The following TSC22D1 variants were observed in gnomAD, a reference collection of about 807,000 sequenced individuals.
TSC22D1 encodes TSC22 domain family member 1, also known as TSC22 domain family protein 1.
A neutral mutation model predicts 74.2 loss-of-function variants in TSC22D1; 9 were observed. The observed-to-expected ratio is 0.12, with a 90% CI of 0.07 to 0.21. TSC22D1 has a LOEUF of 0.21. Ranked by LOEUF, TSC22D1 falls within the 10% of genes least tolerant of loss-of-function variation. The probability of loss-of-function intolerance (pLI) is 1.00; values close to 1 mark genes in which losing one functional copy is unlikely to be tolerated. For missense variants in TSC22D1, 1,427 were observed against 1,304.7 expected, an observed-to-expected ratio of 1.09 and a Z score of -1.44; for synonymous variants, 586 against 492.5, an observed-to-expected ratio of 1.19 and a Z score of -2.51.
chr13:44,470,869 C>A (rs1877563002), intron 1 of TSC22D1, among the ~76,000 whole-genome samples: 1 of 152,200 alleles, frequency 6.6e-6, no homozygotes, highest in Non-Finnish European at 1.5e-5. Context: ...AGAGTCTCTG[C>A]TGGGACCAGT....
chr13:44,512,064 T>C (rs1425065181), intron 1 of TSC22D1, among the ~76,000 whole-genome samples: 3 of 152,218 alleles, frequency 2.0e-5, no homozygotes, highest in Non-Finnish European at 1.5e-5. Flanking sequence ...GCTCCCACCA[T>C]CAACATCTTC....
At chr13:44,475,734 GAT>G (rs1295107233) in intron 1 of TSC22D1, among the ~76,000 whole-genome samples, 5 of 152,044 alleles carry the variant, frequency 3.3e-5, no homozygotes. Flanking sequence ...GAAACAAAGA[GAT>G]ATAAAGTCTG....
intron 1 of TSC22D1, among the ~76,000 whole-genome samples, chr13:44,445,559 G>C (rs1384029398): frequency 1.3e-5 from 2 of 152,066 alleles, no homozygotes; most frequent in Admixed American, 1.3e-4. Flanking sequence ...CTTGTTTTTT[G>C]AAAGATAATG....
At chr13:44,487,622 T>C (rs894804729) in intron 1 of TSC22D1, among the ~76,000 whole-genome samples, 1 of 148,832 alleles carries the variant, frequency 6.7e-6, no homozygotes, top group African/African-American at 2.5e-5. Context: ...AATAAAGAGG[T>C]ATCAGGACCA....
intron 1 of TSC22D1, among the ~76,000 whole-genome samples, chr13:44,476,455 A>T (rs764851029): frequency 1.3e-5 from 2 of 152,162 alleles, no homozygotes; most frequent in East Asian, 3.8e-4. Flanking sequence ...ATATCAATAT[A>T]CAAAAACAGG....
rs994083431 is a variant in TSC22D1, at chr13:44,533,809, A to C, written c.2912+39354T>G. Among the ~76,000 whole-genome samples the C allele has an allele frequency of 3.3e-5, 5 of 152,130 alleles. No homozygotes were observed. The South Asian group carries it at 8.3e-4, about 25-fold the overall frequency. On this transcript the variant is annotated intron_variant, in intron 1 of 2. Coordinates refer to ENST00000458659, the MANE Select transcript of TSC22D1 (RefSeq NM_183422.4). ...CAGAACAAACAAACAAACAAACAAA[A>C]ATAGTATCCTGAATGTACATGGAAT...
At chr13:44,558,771 C>G (rs1882852844) in intron 1 of TSC22D1, among the ~76,000 whole-genome samples, 1 of 152,042 alleles carries the variant, frequency 6.6e-6, no homozygotes, top group African/African-American at 2.4e-5. Context: ...CATTATGTAC[C>G]TTCACCAAGT....
At chr13:44,448,022 TACC>T (rs1168061269) in intron 1 of TSC22D1, among the ~76,000 whole-genome samples, 3 of 151,994 alleles carry the variant, frequency 2.0e-5, no homozygotes, top group East Asian at 1.9e-4. Flanking sequence ...CTTCATAAAT[TACC>T]ACTTCTGCTT....
In TSC22D1 at chr13:44,574,318, C is replaced by T; in HGVS notation, c.1757G>A (p.Gly586Asp). The T allele has an allele frequency of 1.5e-5, 24 of 1,614,252 alleles. No homozygotes were observed. The highest frequency in any genetic ancestry group is 2.0e-5 in the Non-Finnish European group (24 of 1,180,048). ...CTGCTGACCTAAAGCTGAAGTTACA[C>T]CAACCACATTTACAGGCGATGGCTG... is the stretch of plus-strand genomic sequence containing the variant. ...GIQPSPVNVV[G>D]VTSALGQQPS... Residue 586 changes from glycine (G) to aspartate (D), a missense_variant, in exon 1 of 3, where the codon GGT becomes GAT. By Grantham distance (94) the Gly-to-Asp change is moderately conservative. Around this residue, in one of 3 missense-constraint regions of TSC22D1, gnomAD observed 1,343 missense variants for 1,191.5 expected, o/e 1.13. Coordinates refer to ENST00000458659, the MANE Select transcript of TSC22D1 (RefSeq NM_183422.4).
intron 1 of TSC22D1, among the ~76,000 whole-genome samples, chr13:44,473,097 T>C (rs1566129369): frequency 6.6e-6 from 1 of 152,208 alleles, no homozygotes; most frequent in Non-Finnish European, 1.5e-5. Flanking sequence ...CCAATGTACA[T>C]CTTTTATTCA....
intron 1 of TSC22D1, among the ~76,000 whole-genome samples, chr13:44,447,817 A>C (rs1482220063): frequency 3.4e-5 from 5 of 147,500 alleles, no homozygotes; most frequent in Middle Eastern, 3.7e-3. Flanking sequence ...AATGCTAAGA[A>C]GACCCAATGC....
chr13:44,474,858 T>C (rs980114520), intron 1 of TSC22D1, among the ~76,000 whole-genome samples: 3 of 151,986 alleles, frequency 2.0e-5, no homozygotes, highest in Non-Finnish European at 4.4e-5. Flanking sequence ...GCCTCAGAAA[T>C]GTAGAAACGA....
chr13:44,505,760 G>T (rs1879419844), intron 1 of TSC22D1, among the ~76,000 whole-genome samples: 1 of 152,058 alleles, frequency 6.6e-6, no homozygotes. Flanking sequence ...CTTATTTATT[G>T]AATGCTTACT....
Position 44,454,898 on chromosome 13 carries a change from G to A in TSC22D1, c.2913-18803C>T, listed in dbSNP as rs112163436. Among the ~76,000 whole-genome samples the A allele has an allele frequency of 7.6e-3, 1,163 of 152,242 alleles. 11 individuals carry two copies. The highest frequency in any genetic ancestry group is 0.011 in the Non-Finnish European group (778 of 68,026). On this transcript the variant is annotated intron_variant, in intron 1 of 2. Coordinates refer to ENST00000458659, the MANE Select transcript of TSC22D1 (RefSeq NM_183422.4). Reference sequence around the variant, plus strand: ...TTTAGTAATCTTCAGTCCCTTGAAAGACTGGTTATCACTGGAAATAGTTTT... The same window carrying A: ...TTTAGTAATCTTCAGTCCCTTGAAAAACTGGTTATCACTGGAAATAGTTTT...
At chr13:44,532,932 C>T (rs1158528234) in intron 1 of TSC22D1, among the ~76,000 whole-genome samples, 2 of 152,036 alleles carry the variant, frequency 1.3e-5, no homozygotes, top group African/African-American at 4.8e-5. Context: ...CTTGCTCTGT[C>T]GTCTCAAACT....
chr13:44,575,245 G>C lies in TSC22D1; in HGVS notation c.830C>G (p.Thr277Ser). Residue 277 changes from threonine to serine, a missense_variant, in exon 1 of 3, where the codon ACT (threonine) becomes AGT (serine). This residue lies in a region of TSC22D1 where 1,343 missense variants were observed against 1,191.5 expected (regional missense o/e 1.13). Transcript: ENST00000458659. ...TGAACCACTGGATGATACAGCAGAA[G>C]TTGGTGCAACTGGTGTGATACTGTC... ...SSDSITPVAPTSAVSSSGSPA... is the reference protein window; with the variant it reads ...SSDSITPVAPSSAVSSSGSPA... 6.2e-7 allele frequency: 1 copy of C among 1,614,106 alleles called. No homozygotes were observed. The highest frequency in any genetic ancestry group is 8.5e-7 in the Non-Finnish European group (1 of 1,180,032).
chr13:44,436,439 T>G, intron 1 of TSC22D1: 3 of 1,558,828 alleles, frequency 1.9e-6, no homozygotes, highest in Non-Finnish European at 2.6e-6. Context: ...CTGGCTATCT[T>G]TCACCTGTAT....
chr13:44,552,512 C>A (rs994398726), intron 1 of TSC22D1, among the ~76,000 whole-genome samples: 5 of 152,292 alleles, frequency 3.3e-5, no homozygotes, highest in Admixed American at 3.3e-4. Flanking sequence ...AAAGTCTATT[C>A]CCCCACTAAG....
intron 1 of TSC22D1, among the ~76,000 whole-genome samples, chr13:44,551,306 TGG>T (rs542579295): frequency 1.1e-4 from 12 of 112,546 alleles, no homozygotes; most frequent in Non-Finnish European, 1.1e-4. Context: ...CCCAATCAGC[TGG>T]GGGTGTGTGT....
Sources: allele counts gnomAD v4.1 joint callset (sites outside exome capture counted in the v4.1 genomes callset), GRCh38; gene constraint gnomAD v4.1.1; regional missense constraint gnomAD v4.1.1; transcripts MANE v1.5; gene names NCBI Gene and HGNC (gene_info 2026-07-23, HGNC 2026-07-21).